GARIN4: variants seen among roughly 807,000 people sequenced by gnomAD.
GARIN4 encodes golgi associated RAB2 interactor family member 4.
the GARIN4 span, chr1:212,624,517 T>C: frequency 1.9e-5 from 3 of 159,322 alleles, no homozygotes; most frequent in East Asian, 1.8e-4. Flanking sequence ...CAGTTTGTAG[T>C]CTCTCTCAGG....
chr1:212,624,702 C>T, the GARIN4 span: 2 of 1,277,040 alleles, frequency 1.6e-6, no homozygotes, highest in Non-Finnish European at 2.1e-6. Flanking sequence ...CCCACCCCGG[C>T]CTCTGGGAGG....
At chr1:212,626,503 G>A in the GARIN4 span, 2 of 1,614,092 alleles carry the variant, frequency 1.2e-6, no homozygotes, top group Non-Finnish European at 1.7e-6. Flanking sequence ...CAAAAGTAGT[G>A]GGCACACCAC....
At chr1:212,626,472 A>G in the GARIN4 span, 1 of 1,614,234 alleles carries the variant, frequency 6.2e-7, no homozygotes, top group Non-Finnish European at 8.5e-7. Context: ...TTCCTGAGGA[A>G]CGTCAGAGCC....
chr1:212,625,886 C>G, the GARIN4 span: 1 of 1,614,222 alleles, frequency 6.2e-7, no homozygotes, highest in South Asian at 1.1e-5. Context: ...CAGCATGGCT[C>G]CAAACAGCAC....
chr1:212,625,715 G>T, the GARIN4 span: 1 of 1,613,962 alleles, frequency 6.2e-7, no homozygotes, highest in Middle Eastern at 1.7e-4. Context: ...AGAGGCAGCA[G>T]CAGCAGGGGC....
chr1:212,626,578 G>C, the GARIN4 span: 1 of 1,614,050 alleles, frequency 6.2e-7, no homozygotes, highest in African/African-American at 1.3e-5. Flanking sequence ...CCATCGCCGA[G>C]ACAGCAGAGG....
chr1:212,625,385 C>T, the GARIN4 span: 3 of 1,614,230 alleles, frequency 1.9e-6, no homozygotes, highest in Non-Finnish European at 1.7e-6. Context: ...TTGGGAAAAA[C>T]TAATTTACCT....
chr1:212,626,628 A>T, the GARIN4 span: 1 of 1,611,380 alleles, frequency 6.2e-7, no homozygotes, highest in Non-Finnish European at 8.5e-7. Context: ...ATGACACCGG[A>T]CATCATGGAG....
chr1:212,626,096 C>T, the GARIN4 span: 1 of 1,614,076 alleles, frequency 6.2e-7, no homozygotes, highest in Non-Finnish European at 8.5e-7. Flanking sequence ...CCTGAGTGGA[C>T]AGCATGGAAG....
At chr1:212,625,725 C>G in the GARIN4 span, 89 of 1,613,782 alleles carry the variant, frequency 5.5e-5, no homozygotes, top group Non-Finnish European at 6.9e-5. Flanking sequence ...GCAGCAGGGG[C>G]AGCTGCAGGG....
At chr1:212,625,120 A>T in the GARIN4 span, 1 of 1,613,950 alleles carries the variant, frequency 6.2e-7, no homozygotes, top group African/African-American at 1.3e-5. Flanking sequence ...CCATCCTCCC[A>T]CTCCCAGATG....
At chr1:212,624,947 A>G in the GARIN4 span, 2 of 1,614,010 alleles carry the variant, frequency 1.2e-6, no homozygotes, top group Non-Finnish European at 1.7e-6. Context: ...GTTCAACACC[A>G]CCATGGGGAA....
At chr1:212,624,641 G>A in the GARIN4 span, 2 of 555,734 alleles carry the variant, frequency 3.6e-6, no homozygotes. Flanking sequence ...GAAGAGTCTG[G>A]AGTCCAGGCA....
chr1:212,625,776 C>A, the GARIN4 span: 1 of 1,614,064 alleles, frequency 6.2e-7, no homozygotes, highest in East Asian at 2.2e-5. Flanking sequence ...AGTGTGGCAG[C>A]AGCCAATTCT....
the GARIN4 span, chr1:212,625,426 TA>T: frequency 1.9e-6 from 3 of 1,614,166 alleles, no homozygotes; most frequent in South Asian, 1.1e-5. Flanking sequence ...GTAACAGCAG[TA>T]CCTGTGGCAT....
At chr1:212,626,763 C>A in the GARIN4 span, 1 of 1,477,896 alleles carries the variant, frequency 6.8e-7, no homozygotes, top group Non-Finnish European at 9.1e-7. Context: ...AATAAAGAAT[C>A]ATACATCTGA....
chr1:212,625,021 C>A, the GARIN4 span: 3 of 1,613,984 alleles, frequency 1.9e-6, no homozygotes, highest in African/African-American at 4.0e-5. Flanking sequence ...TATTTGAGAG[C>A]GACTTTATCC....
chr1:212,625,181 G>A, the GARIN4 span: 6 of 1,614,078 alleles, frequency 3.7e-6, no homozygotes, highest in Non-Finnish European at 5.1e-6. Context: ...TGCTGGACAT[G>A]GCCAGGCCAC....
the GARIN4 span, chr1:212,626,605 G>A: frequency 6.2e-7 from 1 of 1,613,974 alleles, no homozygotes; most frequent in Non-Finnish European, 8.5e-7. Flanking sequence ...AGGGGCTGGA[G>A]ACGGTTGGTT....
Sources: allele counts gnomAD v4.1 joint callset, GRCh38; gene constraint gnomAD v4.1.1; transcripts MANE v1.5; gene names NCBI Gene and HGNC (gene_info 2026-07-23, HGNC 2026-07-21).